ATRX: variants seen among roughly 807,000 people sequenced by gnomAD.
ATRX encodes chromatin remodeler ATRX.
A neutral mutation model predicts 172.6 loss-of-function variants in ATRX; 12 were observed. That is an observed-to-expected ratio of 0.07 (90% CI 0.04 to 0.11). The LOEUF (loss-of-function observed/expected upper bound fraction) is 0.11. Ranked by LOEUF, ATRX falls within the 10% of genes least tolerant of loss-of-function variation. The pLI, the probability that ATRX is intolerant of heterozygous loss-of-function variation, is 1.00. For synonymous variants in ATRX, 674 were observed against 594.7 expected, an observed-to-expected ratio of 1.13 and a Z score of -1.94; for missense variants, 1,368 against 1,767.4, an observed-to-expected ratio of 0.77 and a Z score of 4.05.
rs782685015 is a variant in ATRX, at chrX:77,683,022, C to G, written c.2234G>C (p.Ser745Thr). 5 of 1,210,398 alleles carry G rather than the reference C, an allele frequency of 4.1e-6. No homozygotes were observed. In the South Asian group the frequency reaches 8.8e-5, roughly 21 times the overall value. ...ATCAGTATCTGAAGAAGAACTGTGA[C>G]TCATCCTGCTCACCTCTTTGAGGAT... is the stretch of plus-strand genomic sequence containing the variant. ...LAILKEVSRM[S>T]HSSSSDTDIN... Residue 745 changes from serine to threonine, a missense_variant, in exon 9 of 35, where the codon AGT becomes ACT. Physicochemically the swap from Ser to Thr is moderately conservative, Grantham distance 58. Transcript: ENST00000373344.
chrX:77,707,224 G>A (rs1211559738), intron 2 of ATRX, among the ~76,000 whole-genome samples: 1 of 112,076 alleles, frequency 8.9e-6, no homozygotes, highest in Middle Eastern at 4.2e-3. Flanking sequence ...GAAGATTGGG[G>A]AGTTAGTATG....
At chrX:77,642,030 T>C (rs2068681549) in intron 15 of ATRX, among the ~76,000 whole-genome samples, 1 of 111,374 alleles carries the variant, frequency 9.0e-6, no homozygotes, top group Non-Finnish European at 1.9e-5. Context: ...AGCAAGACCT[T>C]GTTTCTACGA....
intron 1 of ATRX, among the ~76,000 whole-genome samples, chrX:77,752,374 G>C (rs1557187977): frequency 8.9e-6 from 1 of 111,850 alleles, no homozygotes; most frequent in Non-Finnish European, 1.9e-5. Flanking sequence ...AGGAGTTTTT[G>C]GGTTGAGATG....
At chrX:77,515,383 G>A (rs1224252584) in intron 34 of ATRX, among the ~76,000 whole-genome samples, 1 of 109,498 alleles carries the variant, frequency 9.1e-6, no homozygotes, top group African/African-American at 3.3e-5. Context: ...AAGAAAATGT[G>A]GAAATAAAAA....
intron 1 of ATRX, among the ~76,000 whole-genome samples, chrX:77,741,820 T>C (rs1480628928): frequency 3.6e-5 from 4 of 111,999 alleles, no homozygotes; most frequent in Non-Finnish European, 1.9e-5. Context: ...AACTTACTTA[T>C]TCTTTTGCTG....
At chrX:77,573,227 C>A (rs1352547391) in intron 28 of ATRX, among the ~76,000 whole-genome samples, 1 of 111,433 alleles carries the variant, frequency 9.0e-6, no homozygotes, top group African/African-American at 3.2e-5. Flanking sequence ...GTTACATACA[C>A]AAATACCATT....
intron 1 of ATRX, among the ~76,000 whole-genome samples, chrX:77,778,625 G>A (rs781852731): frequency 6.5e-5 from 7 of 107,677 alleles, no homozygotes; most frequent in African/African-American, 2.4e-4. Flanking sequence ...GGAAGCTGAG[G>A]CAGGAGAATC....
In ATRX at chrX:77,681,544, G is replaced by A. The variant is rs782420404; in HGVS notation, c.3712C>T (p.His1238Tyr). 8.3e-7 allele frequency: 1 copy of A among 1,208,230 alleles called. No homozygotes were observed. Among genetic ancestry groups the A allele is most frequent in the East Asian group, 3.0e-5 (1 of 33,703 alleles). Residue 1238 changes from histidine to tyrosine, a missense_variant, in exon 9 of 35, where the codon CAT becomes TAT. By Grantham distance (83) the His-to-Tyr change is moderately conservative (BLOSUM62 2). Transcript: ENST00000373344. ...PVTENLVLSSHTGFCQSSGDE... is the reference protein window; with the variant it reads ...PVTENLVLSSYTGFCQSSGDE... ...CCTGAAGATTGGCAAAATCCAGTAT[G>A]TGAAGACAGCACTAAATTTTCAGTC...
rs782680817 is a variant in ATRX, at chrX:77,685,022, AG to A, written c.595-17del. 86 of 1,141,048 alleles carry A rather than the reference AG, an allele frequency of 7.5e-5. No homozygotes were observed. The highest frequency in any genetic ancestry group is 9.7e-5 in the Non-Finnish European group (81 of 833,074). The allele number at this position is 1,141,048 out of a possible 1,213,427, so 94.0% of individuals were successfully genotyped here. The stretch of plus-strand genomic sequence containing the variant: ...TAAAGCAATTCTATTAAAAGAAAAG[AG>A]GAAGGGGAAATTTAATTCGAAATTG... On this transcript the variant is annotated splice_polypyrimidine_tract_variant and intron_variant, in intron 7 of 34. Coordinates refer to ENST00000373344, the MANE Select transcript of ATRX (RefSeq NM_000489.6).
intron 1 of ATRX, among the ~76,000 whole-genome samples, chrX:77,763,037 G>C (rs918311032): frequency 9.0e-6 from 1 of 111,064 alleles, no homozygotes; most frequent in South Asian, 3.7e-4. Flanking sequence ...TCCACTGAAG[G>C]GTAAGTGTTA....
intron 1 of ATRX, among the ~76,000 whole-genome samples, chrX:77,780,566 G>A (rs1016350898): frequency 9.2e-6 from 1 of 109,093 alleles, no homozygotes; most frequent in Non-Finnish European, 1.9e-5. Context: ...CTGACCTCAT[G>A]ATCCACCTGC....
In ATRX at chrX:77,633,360, G is replaced by A. The variant is rs2148338047; in HGVS notation, c.4981C>T (p.Arg1661Cys). The change falls in exon 19 of 35, where the codon CGT (arginine) becomes TGT (cysteine). Residue 1661 changes from arginine (R) to cysteine (C), a missense_variant. This residue lies in a region of ATRX where 23 missense variants were observed against 143.8 expected (regional missense o/e 0.16). Transcript: ENST00000373344. ...AGCATGTAGCTTCTCTCCTGAGGAC[G>A]TTTCACAGTTGCTAATTCAGAAACC... ...LEVSELATVK[R>C]PQERSYMLQR... 1 of 1,207,754 alleles carries A rather than the reference G, an allele frequency of 8.3e-7. No homozygotes were observed. Among genetic ancestry groups the A allele is most frequent in the Non-Finnish European group, 1.1e-6 (1 of 894,167 alleles).
intron 28 of ATRX, among the ~76,000 whole-genome samples, chrX:77,571,543 G>A (rs1399835825): frequency 9.0e-6 from 1 of 111,418 alleles, no homozygotes. Flanking sequence ...TCATTGTCAG[G>A]GGTTAAGGTT....
chrX:77,568,027 C>T (rs1343580813), intron 28 of ATRX, among the ~76,000 whole-genome samples: 3 of 109,444 alleles, frequency 2.7e-5, no homozygotes, highest in African/African-American at 6.6e-5. Flanking sequence ...GTGCTGAAAG[C>T]GAAATTTATA....
chrX:77,739,649 G>A (rs977928584), intron 1 of ATRX, among the ~76,000 whole-genome samples: 2 of 110,433 alleles, frequency 1.8e-5, no homozygotes, highest in Non-Finnish European at 1.9e-5. Context: ...TCCTCACAAA[G>A]ACTAAGACCT....
intron 1 of ATRX, among the ~76,000 whole-genome samples, chrX:77,739,315 A>C (rs1557180821): frequency 9.1e-6 from 1 of 110,215 alleles, no homozygotes; most frequent in Non-Finnish European, 1.9e-5. Context: ...AAATGCCATT[A>C]ATTCATTCAT....
At chrX:77,643,582 A>C (rs1475307311) in intron 15 of ATRX, among the ~76,000 whole-genome samples, 2 of 110,657 alleles carry the variant, frequency 1.8e-5, no homozygotes, top group Non-Finnish European at 3.8e-5. Flanking sequence ...CACCACGCCC[A>C]ACTAGTCTTT....
chrX:77,665,281 T>C (rs1172406695), intron 10 of ATRX, among the ~76,000 whole-genome samples: 3 of 112,516 alleles, frequency 2.7e-5, no homozygotes, highest in Non-Finnish European at 5.6e-5. Context: ...TAGAGGATGA[T>C]AGTTTTGGAC....
chrX:77,727,293 T>C lies in ATRX; in HGVS notation c.21-10050A>G, dbSNP rs972910438. Among the ~76,000 whole-genome samples the C allele has an allele frequency of 2.7e-5, 3 of 111,560 alleles. No individual in the cohort carries two copies. In the South Asian group the frequency reaches 1.1e-3, roughly 42 times the overall value. On this transcript the variant is annotated intron_variant, in intron 1 of 34. Coordinates refer to ENST00000373344, the MANE Select transcript of ATRX (RefSeq NM_000489.6). ...GTGACGATTCCACAATGATCTAGAA[T>C]TAGAAATACCATTTGACCCAGCAAT...
Sources: allele counts gnomAD v4.1 joint callset (sites outside exome capture counted in the v4.1 genomes callset), GRCh38; gene constraint gnomAD v4.1.1; regional missense constraint gnomAD v4.1.1; transcripts MANE v1.5; gene names NCBI Gene and HGNC (gene_info 2026-07-23, HGNC 2026-07-21).